Variants in CDKL5 observed in about 807,000 individuals in gnomAD.
The protein encoded by CDKL5 is cyclin-dependent kinase-like 5.
In CDKL5, 8 loss-of-function variants were observed where a neutral mutation model predicts 61.7. That is an observed-to-expected ratio of 0.13 (90% CI 0.08 to 0.23). The LOEUF (loss-of-function observed/expected upper bound fraction) is 0.23, where lower values mean the gene tolerates loss of function less well. Ranked by LOEUF, CDKL5 falls within the 10% of genes least tolerant of loss-of-function variation. The pLI, the probability that CDKL5 is intolerant of heterozygous loss-of-function variation, is 1.00. For missense variants in CDKL5, 440 were observed against 734.5 expected, an observed-to-expected ratio of 0.60 and a Z score of 4.63; for synonymous variants, 275 against 272.3, an observed-to-expected ratio of 1.01 and a Z score of -0.10.
chrX:18,634,667 G>A lies in CDKL5; in HGVS notation c.*5910G>A. 1 of 753,729 alleles carries A rather than the reference G, an allele frequency of 1.3e-6. No homozygotes were observed. Among genetic ancestry groups the A allele is most frequent in the Non-Finnish European group, 1.6e-6 (1 of 639,196 alleles). The allele number at this position is 753,729 out of a possible 1,213,427, so 62.1% of individuals were successfully genotyped here. A position where few individuals can be genotyped will look rare whatever the true frequency, so the allele number is the denominator to read the frequency against. ...TGTTTACTCTTTGGTCACCGATCGA[G>A]TCAGGCTAGAGGGGTAATACGGTGA... On this transcript the variant is annotated 3_prime_UTR_variant, in exon 18 of 18. Transcript: ENST00000623535.
intron 21 of CDKL5, chrX:18,653,346 G>A (rs969640917): frequency 2.0e-5 from 23 of 1,170,641 alleles, no homozygotes; most frequent in Middle Eastern, 3.2e-4. Context: ...CTTCTGCTCC[G>A]TGGGGGGCCC....
In CDKL5 at chrX:18,509,246, C is replaced by CA. The variant is rs1555940191; in HGVS notation, c.65-1574_65-1573insA. Among the ~76,000 whole-genome samples the CA allele has an allele frequency of 9.3e-5, 9 of 97,270 alleles. 1 individual carries two copies. The East Asian group carries it at 2.7e-3, about 29-fold the overall frequency. 84.5% of individuals were successfully genotyped at this position (97,270 alleles called of 115,157 possible). On this transcript the variant is annotated intron_variant, in intron 2 of 17. Coordinates refer to ENST00000623535, the MANE Select transcript of CDKL5 (RefSeq NM_001323289.2). Reference sequence around the variant, plus strand: ...ACACACACACACACACACACACACACCCCTGTCAAGCAAACTCTGCATTCT... The same window carrying CA: ...ACACACACACACACACACACACACACACCCTGTCAAGCAAACTCTGCATTCT...
rs1927276555 is a variant in CDKL5, at chrX:18,632,978, A to T, written c.*4221A>T. ...AGGATTACTTTGCAAGTGTGTAGAA[A>T]GATCTGTCTATTTCTGTTCACCTGG... On this transcript the variant is annotated 3_prime_UTR_variant, in exon 18 of 18. Transcript: ENST00000623535. 5.3e-6 allele frequency: 4 copies of T among 753,033 alleles called. No homozygotes were observed. The South Asian group carries it at 2.7e-4, about 51-fold the overall frequency. The allele number at this position is 753,033 out of a possible 1,213,427, so 62.1% of individuals were successfully genotyped here.
intron 1 of CDKL5, among the ~76,000 whole-genome samples, chrX:18,460,967 A>G (rs1011179147): frequency 5.3e-5 from 6 of 112,379 alleles, no homozygotes; most frequent in Non-Finnish European, 1.1e-4. Context: ...CACGATGGAA[A>G]TATTTTGGTG....
intron 9 of CDKL5, among the ~76,000 whole-genome samples, 161 bp from the exon 10 acceptor site, chrX:18,595,186 AC>A (rs1470739151): frequency 8.9e-6 from 1 of 111,916 alleles, no homozygotes; most frequent in Non-Finnish European, 1.9e-5. Flanking sequence ...TGTCTCAAAA[AC>A]AAACAAAAAA....
At chrX:18,554,210 C>G (rs925491380) in intron 3 of CDKL5, among the ~76,000 whole-genome samples, 9 of 107,369 alleles carry the variant, frequency 8.4e-5, no homozygotes, top group African/African-American at 2.7e-4. Context: ...TGCTATCCCT[C>G]CCCCTTCCCC....
intron 3 of CDKL5, among the ~76,000 whole-genome samples, chrX:18,558,099 CTGTT>C (rs1187530998): frequency 9.0e-6 from 1 of 111,009 alleles, no homozygotes; most frequent in East Asian, 2.8e-4. Context: ...CCTAGTCTCT[CTGTT>C]TGTGTTCCAA....
At chrX:18,491,785 A>G (rs1048073503) in intron 1 of CDKL5, among the ~76,000 whole-genome samples, 2 of 111,983 alleles carry the variant, frequency 1.8e-5, no homozygotes, top group African/African-American at 6.5e-5. Context: ...TAATAAATTA[A>G]TGATGACATA....
rs187301404 is a variant in CDKL5, at chrX:18,630,965, T to C, written c.*2208T>C. ...TTCATACTAGATCTCTACCTTGTAT[T>C]CCCCCCTTGCAAACCAGAAACTACA... On this transcript the variant is annotated 3_prime_UTR_variant, in exon 18 of 18. Transcript: ENST00000623535. 4.0e-4 allele frequency: 297 copies of C among 742,748 alleles called. No individual in the cohort carries two copies. Among genetic ancestry groups the C allele is most frequent in the Admixed American group, 2.8e-3 (28 of 9,853 alleles). The allele number at this position is 742,748 out of a possible 1,213,427, so 61.2% of individuals were successfully genotyped here. A position where few individuals can be genotyped will look rare whatever the true frequency, so the allele number is the denominator to read the frequency against.
intron 1 of CDKL5, among the ~76,000 whole-genome samples, chrX:18,451,398 G>T (rs1278274366): frequency 1.8e-5 from 2 of 111,212 alleles, no homozygotes; most frequent in Non-Finnish European, 3.8e-5. Flanking sequence ...CTCCATGTTT[G>T]TCAGGCTGGT....
chrX:18,510,862 C>T lies in CDKL5; in HGVS notation c.99+8C>T. 1.7e-6 allele frequency: 2 copies of T among 1,147,410 alleles called. No homozygotes were observed. Among genetic ancestry groups the T allele is most frequent in the Non-Finnish European group, 2.4e-6 (2 of 838,595 alleles). The allele number at this position is 1,147,410 out of a possible 1,213,427, so 94.6% of individuals were successfully genotyped here. ...CTTAAATGCAGACACAAGGCAAGTA[C>T]ATTATTTTTAAAAAGAAATATCTGT... is the stretch of plus-strand genomic sequence containing the variant. On this transcript the variant is annotated splice_region_variant and intron_variant, in intron 3 of 17. Transcript: ENST00000623535.
At chrX:18,475,974 G>C (rs936150004) in intron 1 of CDKL5, among the ~76,000 whole-genome samples, 12 of 111,734 alleles carry the variant, frequency 1.1e-4, no homozygotes, top group African/African-American at 3.6e-4. Context: ...TGTAACTCAA[G>C]ATCAGAAAAT....
downstream of CDKL5, chrX:18,641,934 G>T: frequency 9.2e-7 from 1 of 1,083,838 alleles, no homozygotes; most frequent in Non-Finnish European, 1.3e-6. Flanking sequence ...TCTCGGTGGT[G>T]TGTGAGGGGG....
In CDKL5 at chrX:18,518,388, A is replaced by ATTTTTTTTTTTTTTTTTTTTTTTTTTTT. The variant is rs779361711; in HGVS notation, c.99+7542_99+7569dup. Among the ~76,000 whole-genome samples the ATTTTTTTTTTTTTTTTTTTTTTTTTTTT allele has an allele frequency of 1.9e-4, 4 of 21,162 alleles. 1 individual carries two copies. The highest frequency in any genetic ancestry group is 3.4e-4 in the Non-Finnish European group (4 of 11,601). 18.4% of individuals were successfully genotyped at this position (21,162 alleles called of 115,157 possible). A position where few individuals can be genotyped will look rare whatever the true frequency, so the allele number is the denominator to read the frequency against. ...AAGTCATGTTTTCTTTTCTTTTCTTATTTTTTTTTTTTTTTTTTTTTTTTT... is the reference window on the plus strand; with the variant it reads ...AAGTCATGTTTTCTTTTCTTTTCTTATTTTTTTTTTTTTTTTTTTTTTTTTTTTTTTTTTTTTTTTTTTTTTTTTTTTT... On this transcript the variant is annotated intron_variant, in intron 3 of 17. Coordinates refer to ENST00000623535, the MANE Select transcript of CDKL5 (RefSeq NM_001323289.2).
intron 1 of CDKL5, among the ~76,000 whole-genome samples, chrX:18,471,780 C>T (rs989444954): frequency 1.8e-5 from 2 of 111,440 alleles, no homozygotes; most frequent in African/African-American, 6.5e-5. Flanking sequence ...CACTCTGCCA[C>T]CCAGGCTGGA....
intron 3 of CDKL5, among the ~76,000 whole-genome samples, chrX:18,557,255 TA>T (rs1312536981): frequency 2.7e-5 from 3 of 111,650 alleles, no homozygotes; most frequent in East Asian, 2.8e-4. Flanking sequence ...AATACAACAA[TA>T]AAAAATACAA....
At chrX:18,621,486 G>A (rs1250019186) in intron 16 of CDKL5, among the ~76,000 whole-genome samples, 2 of 111,412 alleles carry the variant, frequency 1.8e-5, no homozygotes. Flanking sequence ...TAGGATTTTG[G>A]TATATTTTCC....
At chrX:18,475,497 G>T (rs1179504663) in intron 1 of CDKL5, among the ~76,000 whole-genome samples, 1 of 108,408 alleles carries the variant, frequency 9.2e-6, no homozygotes, top group East Asian at 3.0e-4. Context: ...GGGTCTCCCT[G>T]TGTGGTCCAG....
At chrX:18,537,791 G>A (rs1018041981) in intron 3 of CDKL5, among the ~76,000 whole-genome samples, 4 of 112,230 alleles carry the variant, frequency 3.6e-5, no homozygotes, top group Admixed American at 2.8e-4. Flanking sequence ...TATTCACTCA[G>A]CACAACTCCC....
Sources: gnomAD v4.1 joint callset for allele counts (sites outside exome capture counted in the v4.1 genomes callset) on GRCh38, gnomAD v4.1.1 for gene constraint, MANE v1.5 for transcripts, NCBI Gene and HGNC (gene_info 2026-07-23, HGNC 2026-07-21) for gene names.